The following AGBL1 variants were observed in gnomAD, a reference collection of about 807,000 sequenced individuals.
AGBL1 encodes the protein cytosolic carboxypeptidase 4.
AGBL1 carries 130 observed loss-of-function variants against 118.9 expected under a neutral mutation model. The ratio of observed to expected loss-of-function variants is 1.09; its 90% CI spans 0.95 to 1.26. The LOEUF is 1.26. Among genes scored for constraint, AGBL1 ranks in the 50% most tolerant of loss-of-function variants. The probability of loss-of-function intolerance (pLI) is 0.00; values close to 1 mark genes in which losing one functional copy is unlikely to be tolerated. For missense variants in AGBL1, 1,584 were observed against 1,298.1 expected, an observed-to-expected ratio of 1.22 and a Z score of -3.38; for synonymous variants, 555 against 478.9, an observed-to-expected ratio of 1.16 and a Z score of -2.08.
chr15:86,432,748 C>A (rs2081950186), intron 18 of AGBL1, among the ~76,000 whole-genome samples: 2 of 152,196 alleles, frequency 1.3e-5, no homozygotes, highest in Admixed American at 6.5e-5. Context: ...GATCTAAAGC[C>A]TGAGGCTATT....
chr15:86,611,404 T>G (rs1408667519), intron 21 of AGBL1, among the ~76,000 whole-genome samples: 1 of 152,174 alleles, frequency 6.6e-6, no homozygotes, highest in Non-Finnish European at 1.5e-5. Context: ...AATTTAATTT[T>G]GAGAATTTTT....
chr15:86,880,695 G>A (rs1409970704), intron 22 of AGBL1, among the ~76,000 whole-genome samples: 1 of 152,070 alleles, frequency 6.6e-6, no homozygotes, highest in African/African-American at 2.4e-5. Context: ...GTGTACATGT[G>A]TGCATTTCTG....
At chr15:86,950,705 C>T (rs2141670040) in intron 23 of AGBL1, among the ~76,000 whole-genome samples, 1 of 151,758 alleles carries the variant, frequency 6.6e-6, no homozygotes, top group Admixed American at 6.6e-5. Flanking sequence ...AGAATATATA[C>T]AAAGAATGTT....
chr15:86,744,992 G>A (rs116375169), intron 22 of AGBL1, among the ~76,000 whole-genome samples: 6 of 152,182 alleles, frequency 3.9e-5, no homozygotes, highest in South Asian at 4.1e-4. Context: ...GGCTAAAAGC[G>A]GGGCCAGGAA....
intron 18 of AGBL1, among the ~76,000 whole-genome samples, chr15:86,415,012 G>A (rs117316846): frequency 1.8e-3 from 268 of 152,274 alleles, no homozygotes; most frequent in Non-Finnish European, 2.7e-3. Context: ...ACACCTATGA[G>A]AGCGTAAGGG....
chr15:86,133,505 A>G (rs2076845633), intron 1 of AGBL1, among the ~76,000 whole-genome samples: 1 of 152,192 alleles, frequency 6.6e-6, no homozygotes, highest in African/African-American at 2.4e-5. Flanking sequence ...CTAACTTCGA[A>G]GCTTTGTAAG....
intron 23 of AGBL1, among the ~76,000 whole-genome samples, chr15:86,969,631 G>T (rs1173865729): frequency 6.6e-6 from 1 of 152,018 alleles, no homozygotes; most frequent in African/African-American, 2.4e-5. Context: ...GTGCATTTTA[G>T]TTTGTGTATT....
In AGBL1 at chr15:87,006,971, A is replaced by G. The variant is rs576522776; in HGVS notation, c.3323+18883A>G. Reference sequence around the variant, plus strand: ...GGATGGGTTTTGCTATCCCCAAAACATAGCAGAAAGTAAAACAAAGCAGGG... The same window carrying G: ...GGATGGGTTTTGCTATCCCCAAAACGTAGCAGAAAGTAAAACAAAGCAGGG... On this transcript the variant is annotated intron_variant, in intron 24 of 24. Coordinates refer to the AGBL1 transcript ENST00000441037. 5.1e-4 allele frequency among the ~76,000 whole-genome samples: 77 copies of G among 152,358 alleles called. 1 individual carries two copies. In the South Asian group the frequency reaches 0.016, roughly 31 times the overall value.
intron 23 of AGBL1, among the ~76,000 whole-genome samples, chr15:86,959,804 G>A (rs2080973249): frequency 1.3e-5 from 2 of 151,904 alleles, no homozygotes; most frequent in African/African-American, 2.4e-5. Flanking sequence ...AAATAATGAT[G>A]CACATTATTC....
intron 22 of AGBL1, among the ~76,000 whole-genome samples, chr15:86,796,630 G>A (rs1049354190): frequency 6.6e-6 from 1 of 152,134 alleles, no homozygotes; most frequent in African/African-American, 2.4e-5. Context: ...GTTTGGTTTT[G>A]GAGCAATAGT....
chr15:86,763,642 T>C (rs1026010300), intron 22 of AGBL1, among the ~76,000 whole-genome samples: 5 of 151,994 alleles, frequency 3.3e-5, no homozygotes, highest in African/African-American at 7.2e-5. Context: ...CTCACCTTTA[T>C]TGGCCAAGAT....
chr15:86,184,899 C>T (rs984370618), intron 5 of AGBL1, among the ~76,000 whole-genome samples: 1 of 152,056 alleles, frequency 6.6e-6, no homozygotes, highest in Non-Finnish European at 1.5e-5. Context: ...TACAAGGCTA[C>T]AGCCAAAATT....
In AGBL1 at chr15:86,225,759, T is replaced by C. The variant is rs116696363; in HGVS notation, c.526+808T>C. Among the ~76,000 whole-genome samples the C allele has an allele frequency of 9.7e-3, 1,479 of 152,240 alleles. 25 individuals are homozygous for C. Among genetic ancestry groups the C allele is most frequent in the African/African-American group, 0.033 (1,383 of 41,532 alleles). On this transcript the variant is annotated intron_variant, in intron 6 of 22. Transcript: ENST00000614907. The stretch of plus-strand genomic sequence containing the variant: ...GCTTCAATTGTGATATTTGTTTCTC[T>C]ATAGGGAGCCTGAGGCCTGTGGGTA...
chr15:86,421,393 C>T (rs2081787827), intron 18 of AGBL1, among the ~76,000 whole-genome samples: 1 of 152,134 alleles, frequency 6.6e-6, no homozygotes, highest in Admixed American at 6.5e-5. Context: ...CCTTTACAAA[C>T]AAGCAAATGC....
chr15:86,572,337 T>C (rs1235155419), intron 21 of AGBL1, among the ~76,000 whole-genome samples: 1 of 152,172 alleles, frequency 6.6e-6, no homozygotes, highest in Non-Finnish European at 1.5e-5. Context: ...GCTGGCTCCA[T>C]GGAGTGTGCA....
At chr15:86,345,944 ATCAATTCTC>A (rs1038027227) in intron 17 of AGBL1, among the ~76,000 whole-genome samples, 29 of 150,130 alleles carry the variant, frequency 1.9e-4, no homozygotes, top group African/African-American at 7.1e-4. Context: ...AATTTCTTTC[ATCAATTCTC>A]TCTTTTCTTT....
intron 24 of AGBL1, among the ~76,000 whole-genome samples, chr15:86,996,853 C>T (rs1251890768): frequency 6.6e-6 from 1 of 152,060 alleles, no homozygotes; most frequent in African/African-American, 2.4e-5. Flanking sequence ...CTTTGGAGTT[C>T]ATCACCATTA....
intron 21 of AGBL1, among the ~76,000 whole-genome samples, chr15:86,584,874 G>C (rs2084223667): frequency 6.6e-6 from 1 of 151,996 alleles, no homozygotes; most frequent in Non-Finnish European, 1.5e-5. Context: ...GTGTTTTGTA[G>C]TTCTCCTTAT....
intron 22 of AGBL1, among the ~76,000 whole-genome samples, chr15:86,752,587 T>G (rs1198583542): frequency 6.6e-6 from 1 of 152,040 alleles, no homozygotes; most frequent in African/African-American, 2.4e-5. Context: ...CAGCCCTGTT[T>G]CTGCTCCAGG....
Sources: gnomAD v4.1 joint callset for allele counts (sites outside exome capture counted in the v4.1 genomes callset) on GRCh38, gnomAD v4.1.1 for gene constraint, MANE v1.5 for transcripts, NCBI Gene and HGNC (gene_info 2026-07-23, HGNC 2026-07-21) for gene names.